Variants in RYR2 observed in about 807,000 individuals in gnomAD.
RYR2 encodes ryanodine receptor 2, also known as cardiac muscle ryanodine receptor-calcium release channel.
Under a neutral mutation model 601.1 loss-of-function variants are expected in RYR2, and 227 were observed. The observed-to-expected ratio is 0.38, with a 90% CI of 0.34 to 0.42. The LOEUF is 0.42. RYR2 is among the 10% of genes least tolerant of loss of function. RYR2 has a pLI of 1.00. For missense variants in RYR2, 4,646 were observed against 6,156.5 expected (o/e 0.75, Z 8.21); for synonymous variants, 2,223 against 2,175.1 (o/e 1.02, Z -0.61).
At chr1:237,355,936 T>C (rs770386422) in intron 3 of RYR2, 29 bp from the exon 4 acceptor site, 83 of 1,583,030 alleles carry the variant, frequency 5.2e-5, no homozygotes, top group Non-Finnish European at 6.8e-5. Context: ...TGTTTGTTTG[T>C]TATTTATTTT....
chr1:237,807,679 G>C (rs946960770), intron 99 of RYR2, among the ~76,000 whole-genome samples: 3 of 152,100 alleles, frequency 2.0e-5, no homozygotes, highest in African/African-American at 7.2e-5. Flanking sequence ...GAAATATGTA[G>C]AGCTTTATAG....
intron 92 of RYR2, among the ~76,000 whole-genome samples, chr1:237,789,167 A>C (rs1658038469): frequency 6.6e-6 from 1 of 152,070 alleles, no homozygotes; most frequent in Non-Finnish European, 1.5e-5. Context: ...TAAGAACAAC[A>C]ACCCTCATAA....
At chr1:237,093,069 T>G (rs1166314016) in intron 1 of RYR2, among the ~76,000 whole-genome samples, 2 of 152,198 alleles carry the variant, frequency 1.3e-5, no homozygotes, top group Non-Finnish European at 2.9e-5. Flanking sequence ...ACTAGCCACA[T>G]GTGGTTATTA....
chr1:237,590,559 G>C, intron 30 of RYR2, 81 bp from the exon 31 acceptor site: 1 of 1,178,740 alleles, frequency 8.5e-7, no homozygotes, highest in Non-Finnish European at 1.2e-6. Context: ...TTCTGAAAAC[G>C]TGATGTGCCT....
intron 24 of RYR2, among the ~76,000 whole-genome samples, chr1:237,519,960 A>G (rs774911228): frequency 2.0e-5 from 3 of 151,988 alleles, no homozygotes; most frequent in Non-Finnish European, 4.4e-5. Flanking sequence ...TTCTTTCATC[A>G]TTGTTTTATA....
At chr1:237,441,967 G>A (rs1707944010) in intron 13 of RYR2, among the ~76,000 whole-genome samples, 2 of 152,196 alleles carry the variant, frequency 1.3e-5, no homozygotes, top group Non-Finnish European at 2.9e-5. Flanking sequence ...TCTGAGATTG[G>A]AACCAAGTCT....
intron 58 of RYR2, among the ~76,000 whole-genome samples, chr1:237,671,716 A>G (rs536162058): frequency 3.3e-5 from 5 of 152,162 alleles, no homozygotes; most frequent in Admixed American, 3.3e-4. Flanking sequence ...TGCTTGCCTT[A>G]GTCATCTGAT....
chr1:237,376,746 A>G (rs1292104868), intron 7 of RYR2, among the ~76,000 whole-genome samples: 1 of 152,158 alleles, frequency 6.6e-6, no homozygotes, highest in African/African-American at 2.4e-5. Context: ...TTTTCTTTAG[A>G]AGGATTCTCT....
chr1:237,513,281 C>A lies in RYR2; in HGVS notation c.2822+1490C>A, dbSNP rs185543331. ...GCAAAGCCAGTAACTTTACTCTTGT[C>A]CTCCTTCCATCCTTGATGTCCTACA... On this transcript the variant is annotated intron_variant, in intron 24 of 104. Transcript: ENST00000366574. 2.1e-3 allele frequency among the ~76,000 whole-genome samples: 318 copies of A among 152,300 alleles called. 2 individuals are homozygous for A. Among genetic ancestry groups the A allele is most frequent in the Non-Finnish European group, 3.7e-3 (251 of 68,020 alleles).
At chr1:237,601,917 A>T in intron 34 of RYR2, 108 bp from the exon 35 acceptor site, 1 of 849,368 alleles carries the variant, frequency 1.2e-6, no homozygotes, top group Admixed American at 2.8e-5. Context: ...AAGAAAGGAA[A>T]ATCTCTGGGC....
At chr1:237,112,570 T>TC (rs1669610038) in intron 1 of RYR2, among the ~76,000 whole-genome samples, 1 of 24,794 alleles carries the variant, frequency 4.0e-5, no homozygotes, top group African/African-American at 1.5e-4. Context: ...AGCTACAACA[T>TC]CAAAAAAAAA....
At chr1:237,077,743 C>T (rs1353196692) in intron 1 of RYR2, among the ~76,000 whole-genome samples, 1 of 152,222 alleles carries the variant, frequency 6.6e-6, no homozygotes, top group African/African-American at 2.4e-5. Context: ...CAAGGATACC[C>T]AGAAATTGAA....
chr1:237,050,016 A>G (rs1022102716), intron 1 of RYR2, among the ~76,000 whole-genome samples: 2 of 152,134 alleles, frequency 1.3e-5, no homozygotes, highest in African/African-American at 4.8e-5. Context: ...CTATTGCAAA[A>G]GTTCTGTAGT....
At chr1:237,341,628 G>C in intron 3 of RYR2, 1 of 516,300 alleles carries the variant, frequency 1.9e-6, no homozygotes, top group Non-Finnish European at 3.9e-6. Flanking sequence ...CCAAGACAAT[G>C]CATGTTATGT....
intron 10 of RYR2, among the ~76,000 whole-genome samples, chr1:237,402,415 T>A (rs1228767141): frequency 6.6e-6 from 1 of 150,672 alleles, no homozygotes; most frequent in Non-Finnish European, 1.5e-5. Flanking sequence ...AAAATATATA[T>A]ATGTATGATT....
intron 2 of RYR2, among the ~76,000 whole-genome samples, chr1:237,272,936 T>C (rs1403576962): frequency 1.3e-5 from 2 of 152,092 alleles, no homozygotes; most frequent in Non-Finnish European, 2.9e-5. Context: ...TCTGTAGAGA[T>C]ATAGAAGATG....
intron 1 of RYR2, among the ~76,000 whole-genome samples, chr1:237,077,846 C>T (rs1204064042): frequency 1.3e-5 from 2 of 149,930 alleles, no homozygotes; most frequent in African/African-American, 4.9e-5. Flanking sequence ...CCACACCACA[C>T]CTATTCCAAA....
intron 22 of RYR2, among the ~76,000 whole-genome samples, chr1:237,504,641 A>G (rs1178886719): frequency 6.6e-6 from 1 of 152,226 alleles, no homozygotes; most frequent in Non-Finnish European, 1.5e-5. Flanking sequence ...GAACTTAGTG[A>G]CAAAAATCGT....
chr1:237,629,907 A>G (rs1680073176), intron 41 of RYR2, among the ~76,000 whole-genome samples: 1 of 152,180 alleles, frequency 6.6e-6, no homozygotes, highest in Admixed American at 6.5e-5. Flanking sequence ...AAATATACTA[A>G]TGGGACAGAG....
Sources: allele counts gnomAD v4.1 joint callset (sites outside exome capture counted in the v4.1 genomes callset), GRCh38; gene constraint gnomAD v4.1.1; transcripts MANE v1.5; gene names NCBI Gene and HGNC (gene_info 2026-07-23, HGNC 2026-07-21).